The following AACS variants were observed in gnomAD, a reference collection of about 807,000 sequenced individuals.
AACS encodes the protein acetoacetyl-CoA synthetase.
AACS carries 69 observed loss-of-function variants against 83.1 expected under a neutral mutation model. The observed-to-expected ratio is 0.83, with a 90% CI of 0.68 to 1.01. AACS has a LOEUF of 1.01. AACS is among the 50% of genes least tolerant of loss of function. The pLI is 0.00. For missense variants in AACS, 866 were observed against 882.2 expected, an observed-to-expected ratio of 0.98 and a Z score of 0.23; for synonymous variants, 333 against 343.4, an observed-to-expected ratio of 0.97 and a Z score of 0.33.
intron 10 of AACS, 147 bp from the exon 11 acceptor site, chr12:125,124,558 G>A (rs1162104385): frequency 3.6e-6 from 3 of 841,320 alleles, no homozygotes; most frequent in African/African-American, 1.7e-5. Context: ...ACTCAGACTC[G>A]AGTAAACATG....
chr12:125,083,897 A>G (rs1291747024), intron 3 of AACS, among the ~76,000 whole-genome samples: 1 of 151,436 alleles, frequency 6.6e-6, no homozygotes, highest in Non-Finnish European at 1.5e-5. Flanking sequence ...CAGGTGATTC[A>G]CCTGCCTCAG....
chr12:125,069,043 A>G (rs1043017686), intron 1 of AACS, among the ~76,000 whole-genome samples: 1 of 152,030 alleles, frequency 6.6e-6, no homozygotes, highest in Non-Finnish European at 1.5e-5. Flanking sequence ...GGGTTTCACC[A>G]TATTGGCCAG....
chr12:125,089,519 A>G (rs1418506754), intron 4 of AACS, among the ~76,000 whole-genome samples: 2 of 152,034 alleles, frequency 1.3e-5, no homozygotes, highest in Non-Finnish European at 2.9e-5. Flanking sequence ...GGCCATGAGG[A>G]TTCCCTGCCT....
chr12:125,120,957 T>C (rs1470613690), intron 10 of AACS: 1 of 152,382 alleles, frequency 6.6e-6, no homozygotes, highest in Admixed American at 6.5e-5. Context: ...CTGTGAGTGC[T>C]GTACATGTGG....
chr12:125,135,245 C>G (rs569262791), intron 16 of AACS, among the ~76,000 whole-genome samples: 10 of 151,928 alleles, frequency 6.6e-5, no homozygotes, highest in Non-Finnish European at 1.5e-4. Context: ...TAGACATGCA[C>G]CACCATGCCC....
rs1464304618 is a variant in AACS, at chr12:125,107,336, G to A, written c.915+68G>A. On this transcript the variant is annotated intron_variant, in intron 8 of 17. Transcript: ENST00000316519. Reference sequence around the variant, plus strand: ...TTTGCTTCAACAGGGCCTCCCAGCTGATGATGGCAGTGTTGGAGTTGTCAA... The same window carrying A: ...TTTGCTTCAACAGGGCCTCCCAGCTAATGATGGCAGTGTTGGAGTTGTCAA... 3.2e-6 allele frequency: 5 copies of A among 1,580,672 alleles called. No individual in the cohort carries two copies. In the African/African-American group the frequency reaches 5.4e-5, roughly 17 times the overall value.
At position 125,076,479 on chromosome 12, in the gene AACS, C is replaced by A; in HGVS notation, c.238-12C>A. ...ATGTGTGTGCGTCTTGGTTTGTTGT[C>A]ATTCTCTATAGGTTGTGGACACATC... On this transcript the variant is annotated splice_polypyrimidine_tract_variant and intron_variant, in intron 2 of 17. Coordinates refer to ENST00000316519, the MANE Select transcript of AACS (RefSeq NM_023928.5). 6.2e-7 allele frequency: 1 copy of A among 1,613,126 alleles called. No homozygotes were observed. The highest frequency in any genetic ancestry group is 1.1e-5 in the South Asian group (1 of 90,972).
At position 125,113,982 on chromosome 12, in the gene AACS, C is replaced by T. The variant is rs934692407; in HGVS notation, c.916-495C>T. On this transcript the variant is annotated intron_variant, in intron 8 of 17. Transcript: ENST00000316519. This position sits in a 1 kb window ranked among gnomAD's most constrained non-coding sequence, Gnocchi z 4.8. The stretch of plus-strand genomic sequence containing the variant: ...CCTCAGCTGAGGCATTCCTGAAATC[C>T]GATCTTGAACGTGAGTCCCAGCTAC... Among the ~76,000 whole-genome samples the T allele has an allele frequency of 1.3e-5, 2 of 152,090 alleles. No individual in the cohort carries two copies. Among genetic ancestry groups the T allele is most frequent in the African/African-American group, 4.8e-5 (2 of 41,384 alleles).
chr12:125,141,538 A>T (rs1957490660), intron 17 of AACS: 1 of 152,782 alleles, frequency 6.5e-6, no homozygotes, highest in Admixed American at 6.5e-5. Flanking sequence ...TCTACTAAAA[A>T]TACAAAAAAT....
chr12:125,142,119 G>C lies in AACS; in HGVS notation c.1909G>C (p.Val637Leu), dbSNP rs749290306. 2 of 1,614,086 alleles carry C rather than the reference G, an allele frequency of 1.2e-6. No individual in the cohort carries two copies. The highest frequency in any genetic ancestry group is 1.7e-5 in the Admixed American group (1 of 60,022). Residue 637 changes from valine to leucine, a missense_variant, in exon 18 of 18, where the codon GTT (valine) becomes CTT (leucine). Coordinates refer to ENST00000316519, the MANE Select transcript of AACS (RefSeq NM_023928.5). ...PYTLNGKKVE[V>L]AVKQIIAGKA... ...TACGCTCAACGGCAAGAAAGTGGAAGTTGCCGTCAAACAGATCATCGCTGG... is the reference window on the plus strand; with the variant it reads ...TACGCTCAACGGCAAGAAAGTGGAACTTGCCGTCAAACAGATCATCGCTGG...
intron 1 of AACS, among the ~76,000 whole-genome samples, chr12:125,070,047 G>A (rs576619994): frequency 4.6e-5 from 7 of 152,216 alleles, no homozygotes; most frequent in Middle Eastern, 6.8e-3. Context: ...CTGAACCCCC[G>A]GCCCATCCCA....
intron 14 of AACS, among the ~76,000 whole-genome samples, chr12:125,131,745 C>T (rs10744194): frequency 0.3 from 45,531 of 151,738 alleles, 7,926 homozygotes; most frequent in South Asian, 0.43. Context: ...ATTACAGGCG[C>T]GCGCCACCAC....
chr12:125,125,957 A>ATTTTT (rs34943168), intron 12 of AACS: 1 of 143,640 alleles, frequency 7.0e-6, no homozygotes, highest in Non-Finnish European at 1.5e-5. Flanking sequence ...TTCCAAGTGA[A>ATTTTT]TTTTTTTTTT....
At chr12:125,080,673 ATTT>A (rs928899220) in intron 3 of AACS, among the ~76,000 whole-genome samples, 1 of 150,636 alleles carries the variant, frequency 6.6e-6, no homozygotes, top group East Asian at 1.9e-4. Context: ...TTTTAAAATT[ATTT>A]TTTATTTATT....
rs1307587202 is a variant in AACS at position 125,134,018 on chromosome 12, G to A, written c.1565G>A (p.Gly522Asp). 1 of 1,614,152 alleles carries A rather than the reference G, an allele frequency of 6.2e-7. No homozygotes were observed. Among genetic ancestry groups the A allele is most frequent in the African/African-American group, 1.3e-5 (1 of 75,056 alleles). Reference protein sequence around the residue: ...FSKFPGIWAHGDYCRINPKTG... With the variant: ...FSKFPGIWAHDDYCRINPKTG... ...GTCTTTGCAGGTATCTGGGCTCATG[G>A]CGACTACTGCAGAATCAACCCCAAG... The change falls in exon 15 of 18, where the codon GGC becomes GAC. Residue 522 changes from glycine (G) to aspartate (D), a missense_variant. Transcript: ENST00000316519.
intron 3 of AACS, among the ~76,000 whole-genome samples, chr12:125,084,534 G>A (rs1276542663): frequency 6.6e-6 from 1 of 151,640 alleles, no homozygotes; most frequent in African/African-American, 2.4e-5. Flanking sequence ...CTCCCAAGCA[G>A]CTAGGGCTAC....
intron 5 of AACS, 178 bp from the exon 6 acceptor site, chr12:125,102,501 C>T (rs1035506346): frequency 6.0e-5 from 36 of 602,752 alleles, no homozygotes; most frequent in African/African-American, 3.5e-4. Context: ...GGGTCTCACT[C>T]GTGCCCAGGC....
chr12:125,091,185 G>T, intron 4 of AACS: 1 of 534,646 alleles, frequency 1.9e-6, no homozygotes. Flanking sequence ...GGAGCAGAGG[G>T]AGGAGAGCCC....
chr12:125,102,601 A>C, intron 5 of AACS, 78 bp from the exon 6 acceptor site: 1 of 1,219,140 alleles, frequency 8.2e-7, no homozygotes, highest in Non-Finnish European at 1.2e-6. Context: ...AGTAGCTGGG[A>C]CTACAGGCAC....
Sources: gnomAD v4.1 joint callset for allele counts (sites outside exome capture counted in the v4.1 genomes callset) on GRCh38, gnomAD v4.1.1 for gene constraint, Gnocchi (gnomAD v3.1) non-coding constraint, MANE v1.5 for transcripts, NCBI Gene and HGNC (gene_info 2026-07-23, HGNC 2026-07-21) for gene names.